Variants in NEGR1 observed in about 807,000 individuals in gnomAD.
NEGR1 encodes the protein neuronal growth regulator 1.
Under a neutral mutation model 40.9 loss-of-function variants are expected in NEGR1, and 10 were observed. That is an observed-to-expected ratio of 0.24 (90% CI 0.15 to 0.42). NEGR1 has a LOEUF of 0.42. Among genes scored for constraint, NEGR1 ranks in the 10% least tolerant of loss-of-function variants. The pLI is 1.00. For synonymous variants in NEGR1, 185 were observed against 166.8 expected, an observed-to-expected ratio of 1.11 and a Z score of -0.84; for missense variants, 352 against 438.9, an observed-to-expected ratio of 0.80 and a Z score of 1.77.
chr1:71,436,394 G>C (rs1322565489), intron 6 of NEGR1, among the ~76,000 whole-genome samples: 5 of 152,174 alleles, frequency 3.3e-5, no homozygotes, highest in African/African-American at 1.2e-4. Flanking sequence ...AGATGAATCA[G>C]TGCCAGAAAA....
chr1:72,148,102 G>A (rs1286633494), intron 1 of NEGR1, among the ~76,000 whole-genome samples: 1 of 151,998 alleles, frequency 6.6e-6, no homozygotes, highest in Non-Finnish European at 1.5e-5. Context: ...TACCACAGTA[G>A]AGACTCTGTG....
At chr1:71,759,458 T>C (rs1190286795) in intron 3 of NEGR1, among the ~76,000 whole-genome samples, 1 of 151,298 alleles carries the variant, frequency 6.6e-6, no homozygotes, top group Non-Finnish European at 1.5e-5. Flanking sequence ...CCGCCATGCC[T>C]GGCTAACTTT....
chr1:71,777,528 T>C (rs1467816671), intron 2 of NEGR1, among the ~76,000 whole-genome samples: 1 of 152,130 alleles, frequency 6.6e-6, no homozygotes, highest in African/African-American at 2.4e-5. Context: ...ATTTATACTA[T>C]GTTACTATTA....
At chr1:71,568,345 T>A (rs1015130758) in intron 6 of NEGR1, among the ~76,000 whole-genome samples, 2 of 152,144 alleles carry the variant, frequency 1.3e-5, no homozygotes, top group Non-Finnish European at 2.9e-5. Flanking sequence ...TTACAGACCA[T>A]GAGCCCTGTT....
intron 6 of NEGR1, among the ~76,000 whole-genome samples, chr1:71,507,552 G>A (rs1019062247): frequency 1.3e-5 from 2 of 152,050 alleles, no homozygotes; most frequent in Non-Finnish European, 2.9e-5. Flanking sequence ...ACAGGCCATG[G>A]GAGGAAGACC....
chr1:71,538,566 A>G (rs1199210623), intron 6 of NEGR1, among the ~76,000 whole-genome samples: 4 of 151,688 alleles, frequency 2.6e-5, no homozygotes, highest in African/African-American at 9.7e-5. Flanking sequence ...TGGAATGACC[A>G]AGGTTAGTGC....
At chr1:71,870,705 T>A (rs776864443) in intron 2 of NEGR1, among the ~76,000 whole-genome samples, 4 of 152,170 alleles carry the variant, frequency 2.6e-5, no homozygotes, top group Non-Finnish European at 5.9e-5. Context: ...TAGGGCTAGG[T>A]TGAAAAATCA....
intron 6 of NEGR1, among the ~76,000 whole-genome samples, chr1:71,415,430 A>G (rs1297246087): frequency 6.6e-6 from 1 of 151,860 alleles, no homozygotes; most frequent in Non-Finnish European, 1.5e-5. Flanking sequence ...TTCACAATAT[A>G]CCCTCCTATC....
intron 2 of NEGR1, among the ~76,000 whole-genome samples, chr1:71,834,886 A>AACACACACACACAC (rs1330229060): frequency 1.3e-5 from 1 of 78,168 alleles, no homozygotes; most frequent in Admixed American, 1.1e-4. Context: ...ATTTTAGGAG[A>AACACACACACACAC]TCACACACAC....
At chr1:71,958,207 T>C (rs1646134358) in intron 1 of NEGR1, among the ~76,000 whole-genome samples, 1 of 152,224 alleles carries the variant, frequency 6.6e-6, no homozygotes, top group Non-Finnish European at 1.5e-5. Flanking sequence ...TAATGCCTTG[T>C]AGCCTTCCCT....
chr1:71,795,074 A>T (rs1447587128), intron 2 of NEGR1, among the ~76,000 whole-genome samples: 3 of 152,114 alleles, frequency 2.0e-5, no homozygotes, highest in Non-Finnish European at 4.4e-5. Flanking sequence ...ACACTTAAAA[A>T]ATTAGGTAAT....
intron 1 of NEGR1, among the ~76,000 whole-genome samples, chr1:72,088,468 C>A (rs940348686): frequency 6.6e-6 from 1 of 152,056 alleles, no homozygotes; most frequent in East Asian, 1.9e-4. Context: ...AATAAAGAGC[C>A]TTATTCACCT....
At chr1:72,163,729 A>AATAT (rs1651670852) in intron 1 of NEGR1, among the ~76,000 whole-genome samples, 1 of 60,334 alleles carries the variant, frequency 1.7e-5, no homozygotes, top group African/African-American at 6.2e-5. Flanking sequence ...ACAGATATCT[A>AATAT]ATAGATAGAT....
chr1:71,635,047 C>T (rs1651099400), intron 4 of NEGR1, among the ~76,000 whole-genome samples: 1 of 151,936 alleles, frequency 6.6e-6, no homozygotes, highest in Admixed American at 6.6e-5. Flanking sequence ...GGAATCCAGA[C>T]TGATTAAATG....
chr1:72,106,780 A>T (rs1649149473), intron 1 of NEGR1, among the ~76,000 whole-genome samples: 1 of 152,006 alleles, frequency 6.6e-6, no homozygotes, highest in Admixed American at 6.6e-5. Context: ...AAGTTTGGAT[A>T]AATCTTTTAG....
At chr1:72,110,080 C>A (rs1304679696) in intron 1 of NEGR1, among the ~76,000 whole-genome samples, 1 of 151,330 alleles carries the variant, frequency 6.6e-6, no homozygotes, top group Non-Finnish European at 1.5e-5. Flanking sequence ...AGGGATCATG[C>A]AACTGTAAAA....
In NEGR1 at chr1:72,016,400, C is replaced by G. The variant is rs558221709; in HGVS notation, c.177-81089G>C. 1.7e-4 allele frequency among the ~76,000 whole-genome samples: 26 copies of G among 152,194 alleles called. No individual in the cohort carries two copies. The South Asian group carries it at 4.6e-3, about 27-fold the overall frequency. On this transcript the variant is annotated intron_variant, in intron 1 of 6. Coordinates refer to ENST00000357731, the MANE Select transcript of NEGR1 (RefSeq NM_173808.3). ...GTGGTACAATTGTGAGTGGGAGAAC[C>G]AGGTTTCAAACTGAGGCATGTGTGC...
intron 2 of NEGR1, among the ~76,000 whole-genome samples, chr1:71,873,078 A>C (rs1298321248): frequency 6.7e-6 from 1 of 149,394 alleles, no homozygotes; most frequent in Non-Finnish European, 1.5e-5. Flanking sequence ...AAACGGTAGA[A>C]ATTGGGAGGT....
chr1:71,888,533 A>AGACT (rs1374972875), intron 2 of NEGR1, among the ~76,000 whole-genome samples: 4 of 151,382 alleles, frequency 2.6e-5, no homozygotes, highest in African/African-American at 9.7e-5. Context: ...GCGCACCACG[A>AGACT]GACTATATCC....
Sources: allele counts gnomAD v4.1 joint callset (sites outside exome capture counted in the v4.1 genomes callset), GRCh38; gene constraint gnomAD v4.1.1; transcripts MANE v1.5; gene names NCBI Gene and HGNC (gene_info 2026-07-23, HGNC 2026-07-21).